Variants in TSHZ3 observed in about 807,000 individuals in gnomAD.
TSHZ3 encodes teashirt homolog 3.
In TSHZ3, 10 loss-of-function variants were observed where a neutral mutation model predicts 64.5. The ratio of observed to expected loss-of-function variants is 0.16; its 90% CI spans 0.10 to 0.26. TSHZ3 has a LOEUF of 0.26. Ranked by LOEUF, TSHZ3 falls within the 10% of genes least tolerant of loss-of-function variation. TSHZ3 has a pLI of 1.00. For missense variants in TSHZ3, 1,242 were observed against 1,421.7 expected, an observed-to-expected ratio of 0.87 and a Z score of 2.03; for synonymous variants, 608 against 593.1, an observed-to-expected ratio of 1.03 and a Z score of -0.36.
chr19:31,249,928 C>T (rs1337174071), intron 1 of TSHZ3, among the ~76,000 whole-genome samples: 3 of 152,230 alleles, frequency 2.0e-5, no homozygotes, highest in African/African-American at 7.2e-5. Flanking sequence ...GATTATCATC[C>T]ACATTTGCTT....
chr19:31,213,062 A>G (rs1201090171), intron 4 of TSHZ3, among the ~76,000 whole-genome samples: 1 of 152,110 alleles, frequency 6.6e-6, no homozygotes, highest in African/African-American at 2.4e-5. Context: ...CTATGGAGAC[A>G]GTAAAAAGAT....
intron 1 of TSHZ3, among the ~76,000 whole-genome samples, chr19:31,249,968 G>C (rs756810455): frequency 1.3e-5 from 2 of 152,180 alleles, no homozygotes; most frequent in Non-Finnish European, 2.9e-5. Context: ...ATCCTCCCTG[G>C]AGCCTCGGTT....
chr19:31,331,053 CAG>C (rs1917075644), intron 1 of TSHZ3, among the ~76,000 whole-genome samples: 2 of 152,176 alleles, frequency 1.3e-5, no homozygotes, highest in Admixed American at 6.5e-5. Flanking sequence ...AACCCAACGG[CAG>C]AGTTATGACT....
At chr19:31,342,510 G>T (rs759309143) in intron 1 of TSHZ3, among the ~76,000 whole-genome samples, 12 of 152,158 alleles carry the variant, frequency 7.9e-5, no homozygotes, top group Non-Finnish European at 1.6e-4. Flanking sequence ...CTTTACGTAT[G>T]CAAAATAAAT....
intron 5 of TSHZ3, among the ~76,000 whole-genome samples, chr19:31,200,974 G>A (rs1975076134): frequency 6.6e-6 from 1 of 150,968 alleles, no homozygotes. Flanking sequence ...GTACTTTAAA[G>A]CAAGTATAAT....
In TSHZ3 at chr19:31,224,836, A is replaced by G. The variant is rs578021988; in HGVS notation, n.686+3169T>C. Among the ~76,000 whole-genome samples, 6 of 152,352 alleles carry G rather than the reference A, an allele frequency of 3.9e-5. No individual in the cohort carries two copies. The South Asian group carries it at 1.2e-3, about 32-fold the overall frequency. Reference sequence around the variant, plus strand: ...ACTTTATTTGATTCACCAGCTTTCTATCAAGAAAAGACATTGTGCTCAAGA... The same window carrying G: ...ACTTTATTTGATTCACCAGCTTTCTGTCAAGAAAAGACATTGTGCTCAAGA... On this transcript the variant is annotated intron_variant and non_coding_transcript_variant, in intron 4 of 6. Coordinates refer to the TSHZ3 transcript ENST00000651361.
intron 4 of TSHZ3, among the ~76,000 whole-genome samples, chr19:31,209,521 G>A (rs1291007081): frequency 1.3e-5 from 2 of 152,150 alleles, no homozygotes; most frequent in African/African-American, 4.8e-5. Flanking sequence ...TGTGCCTGTT[G>A]GAGCACTAAA....
At chr19:31,176,214 A>G (rs975434884) in intron 5 of TSHZ3, among the ~76,000 whole-genome samples, 1 of 152,074 alleles carries the variant, frequency 6.6e-6, no homozygotes, top group African/African-American at 2.4e-5. Flanking sequence ...GCTTGGCTGG[A>G]CCCACCAGCA....
intron 1 of TSHZ3, among the ~76,000 whole-genome samples, chr19:31,339,651 C>G (rs1917366332): frequency 6.6e-6 from 1 of 152,114 alleles, no homozygotes; most frequent in African/African-American, 2.4e-5. Flanking sequence ...GACTGTTTGG[C>G]ATGGTGCAGC....
intron 5 of TSHZ3, among the ~76,000 whole-genome samples, chr19:31,161,598 G>T (rs769099213): frequency 6.6e-6 from 1 of 152,110 alleles, no homozygotes; most frequent in African/African-American, 2.4e-5. Flanking sequence ...TCTCTGAGTC[G>T]CATCTGCATT....
intron 4 of TSHZ3, among the ~76,000 whole-genome samples, chr19:31,226,700 C>T (rs182545688): frequency 1.3e-5 from 2 of 152,204 alleles, no homozygotes; most frequent in South Asian, 2.1e-4. Flanking sequence ...TACTTGAACA[C>T]CCTGTGTTCA....
chr19:31,158,323 A>G (rs1232372112), intron 5 of TSHZ3, among the ~76,000 whole-genome samples: 1 of 152,214 alleles, frequency 6.6e-6, no homozygotes, highest in Non-Finnish European at 1.5e-5. Context: ...TGGCAGGTTA[A>G]AATGATCATG....
chr19:31,274,094 C>T (rs1368190402), downstream of TSHZ3, among the ~76,000 whole-genome samples: 1 of 151,262 alleles, frequency 6.6e-6, no homozygotes, highest in Non-Finnish European at 1.5e-5. Flanking sequence ...GGCGTGTTGC[C>T]GAACATCTCT....
At chr19:31,329,410 A>G (rs1302811180) in intron 1 of TSHZ3, among the ~76,000 whole-genome samples, 1 of 152,224 alleles carries the variant, frequency 6.6e-6, no homozygotes, top group Non-Finnish European at 1.5e-5. Flanking sequence ...CACTGCAAGA[A>G]CTTAGTGGTA....
At chr19:31,215,066 G>C (rs1975308795) in intron 4 of TSHZ3, among the ~76,000 whole-genome samples, 1 of 152,128 alleles carries the variant, frequency 6.6e-6, no homozygotes, top group African/African-American at 2.4e-5. Context: ...AAGATATTCG[G>C]TTGGTTGGCT....
intron 5 of TSHZ3, among the ~76,000 whole-genome samples, chr19:31,203,904 G>C (rs1465033213): frequency 1.3e-5 from 2 of 151,786 alleles, no homozygotes; most frequent in Non-Finnish European, 2.9e-5. Flanking sequence ...TCCCAAGACT[G>C]GGTAATTTAT....
chr19:31,307,761 C>A (rs75981480), intron 1 of TSHZ3, among the ~76,000 whole-genome samples: 10 of 152,160 alleles, frequency 6.6e-5, no homozygotes, highest in Non-Finnish European at 1.0e-4. Flanking sequence ...CTTCCTTAGG[C>A]GGGCCTTTAA....
At position 31,278,734 on chromosome 19, in the gene TSHZ3, C is replaced by T; in HGVS notation, c.1059G>A (p.Gln353=). The T allele has an allele frequency of 6.2e-7, 1 of 1,614,190 alleles. No homozygotes were observed. The highest frequency in any genetic ancestry group is 8.5e-7 in the Non-Finnish European group (1 of 1,180,042). ...ATISDTNDAL[Q]KNSNPYITPN... is the part of the protein sequence containing the mutation. ...GCGTGATGTAAGGGTTGGAGTTCTT[C>T]TGAAGTGCATCGTTGGTGTCTGAGA... is the stretch of plus-strand genomic sequence containing the variant. Residue 353 remains glutamine (Q), a synonymous_variant, in exon 2 of 2, where the codon CAG becomes CAA. Transcript: ENST00000240587. This position sits in a 1 kb window ranked among gnomAD's most constrained non-coding sequence, Gnocchi z 4.7.
intron 3 of TSHZ3, among the ~76,000 whole-genome samples, chr19:31,237,689 T>G (rs1278792016): frequency 6.6e-6 from 1 of 152,220 alleles, no homozygotes; most frequent in Non-Finnish European, 1.5e-5. Flanking sequence ...GAAACATCAA[T>G]AATTGGTATT....
Sources: allele counts gnomAD v4.1 joint callset (sites outside exome capture counted in the v4.1 genomes callset), GRCh38; gene constraint gnomAD v4.1.1; non-coding constraint Gnocchi (gnomAD v3.1); transcripts MANE v1.5; gene names NCBI Gene and HGNC (gene_info 2026-07-23, HGNC 2026-07-21).